NODAL: variants seen among roughly 807,000 people sequenced by gnomAD.
NODAL encodes nodal homolog.
NODAL carries 12 observed loss-of-function variants against 34.0 expected under a neutral mutation model. That is an observed-to-expected ratio of 0.35 (90% CI 0.23 to 0.57). The LOEUF is 0.57. Among genes scored for constraint, NODAL ranks in the 20% least tolerant of loss-of-function variants. The pLI, the probability that NODAL is intolerant of heterozygous loss-of-function variation, is 0.83. For missense variants in NODAL, 390 were observed against 444.2 expected (o/e 0.88, Z 1.10); for synonymous variants, 162 against 186.4 (o/e 0.87, Z 1.07).
chr10:70,433,079 T>C lies in NODAL; in HGVS notation c.901A>G (p.Lys301Glu), dbSNP rs756658835. The change falls in exon 3 of 3, where the codon AAA becomes GAA. Residue 301 changes from lysine (K) to glutamate (E), a missense_variant. By Grantham distance (56) the Lys-to-Glu change is moderately conservative. Coordinates refer to ENST00000287139, the MANE Select transcript of NODAL (RefSeq NM_018055.5). ...TNHAYIQSLLKRYQPHRVPST... is the reference protein window; with the variant it reads ...TNHAYIQSLLERYQPHRVPST... Reference sequence around the variant, plus strand: ...GGGACTCGGTGGGGCTGGTAACGTTTCAGCAGACTCTGTAAAGGAAAGGAA... The same window carrying C: ...GGGACTCGGTGGGGCTGGTAACGTTCCAGCAGACTCTGTAAAGGAAAGGAA... The C allele has an allele frequency of 1.2e-6, 2 of 1,613,990 alleles. No individual in the cohort carries two copies. Among genetic ancestry groups the C allele is most frequent in the South Asian group, 2.2e-5 (2 of 91,066 alleles).
intron 1 of NODAL, among the ~76,000 whole-genome samples, chr10:70,447,392 G>A (rs1320277930): frequency 6.6e-6 from 1 of 152,038 alleles, no homozygotes; most frequent in Non-Finnish European, 1.5e-5. Context: ...CCTCTTCTAA[G>A]TAAAGCATCA....
intron 1 of NODAL, among the ~76,000 whole-genome samples, chr10:70,440,766 C>G (rs1010545783): frequency 7.9e-5 from 12 of 152,322 alleles, no homozygotes; most frequent in Admixed American, 2.6e-4. Flanking sequence ...CGGGGTTAAG[C>G]GAGACACTTG....
chr10:70,442,080 G>T (rs980546205), upstream of NODAL, among the ~76,000 whole-genome samples: 1 of 152,222 alleles, frequency 6.6e-6, no homozygotes, highest in Admixed American at 6.5e-5. Flanking sequence ...TGGACCGCAG[G>T]CTCCTCAAGA....
intron 1 of NODAL, among the ~76,000 whole-genome samples, chr10:70,447,390 A>G (rs1845499827): frequency 6.6e-6 from 1 of 152,048 alleles, no homozygotes; most frequent in African/African-American, 2.4e-5. Context: ...GCCCTCTTCT[A>G]AGTAAAGCAT....
chr10:70,433,443 C>T (rs919723097), intron 2 of NODAL, among the ~76,000 whole-genome samples: 3 of 150,292 alleles, frequency 2.0e-5, no homozygotes, highest in Non-Finnish European at 4.4e-5. Flanking sequence ...TTGAGATGGT[C>T]TTGCTCTGTT....
chr10:70,435,137 A>G, intron 2 of NODAL, 149 bp downstream of exon 2: 2 of 712,238 alleles, frequency 2.8e-6, no homozygotes, highest in East Asian at 2.7e-5. Context: ...TCATCTCTAC[A>G]TGCCTGGTAC....
chr10:70,447,491 G>T (rs1315573457), intron 1 of NODAL, among the ~76,000 whole-genome samples: 2 of 152,036 alleles, frequency 1.3e-5, no homozygotes, highest in African/African-American at 4.8e-5. Flanking sequence ...TTTGAGACCA[G>T]CCTAGGCAAC....
At position 70,435,451 on chromosome 10, in the gene NODAL, G is replaced by A. The variant is rs1845333111; in HGVS notation, c.726C>T (p.Asp242=). The A allele has an allele frequency of 6.2e-7, 1 of 1,614,210 alleles. No individual in the cohort carries two copies. The highest frequency in any genetic ancestry group is 1.7e-5 in the Admixed American group (1 of 60,020). ...GKRHRRHHLP[D]RSQLCRKVKF... is the part of the protein sequence containing the mutation. The stretch of plus-strand genomic sequence containing the variant: ...TGACCTTCCGACACAGTTGACTTCT[G>A]TCTGGCAAGTGATGTCGACGGTGCC... Residue 242 remains aspartate (D), a synonymous_variant, in exon 2 of 3, where the codon GAC becomes GAT. Coordinates refer to ENST00000287139, the MANE Select transcript of NODAL (RefSeq NM_018055.5).
intron 2 of NODAL, among the ~76,000 whole-genome samples, chr10:70,434,646 T>C (rs994845909): frequency 6.6e-6 from 1 of 152,216 alleles, no homozygotes; most frequent in South Asian, 2.1e-4. Context: ...TTCAGGCATG[T>C]GCCACCGCAC....
chr10:70,441,744 T>G, upstream of NODAL: 1 of 1,441,450 alleles, frequency 6.9e-7, no homozygotes, highest in Non-Finnish European at 9.5e-7. Flanking sequence ...GCCCCCACCT[T>G]TCCTCCCTCT....
Position 70,436,196 on chromosome 10 carries a change from AG to A in NODAL, c.194-214del, listed in dbSNP as rs568254467. On this transcript the variant is annotated intron_variant, in intron 1 of 2. Transcript: ENST00000287139. ...TCAGTGTGGTTAAAAGATCTGACCAAGGTGTCATTCTTGGAAGGTGGCAGAG... is the reference window on the plus strand; with the variant it reads ...TCAGTGTGGTTAAAAGATCTGACCAAGTGTCATTCTTGGAAGGTGGCAGAG... 269 of 597,408 alleles carry A rather than the reference AG, an allele frequency of 4.5e-4. No homozygotes were observed. The African/African-American group carries it at 4.6e-3, about 10-fold the overall frequency. The allele number at this position is 597,408 out of a possible 1,614,324, so 37.0% of individuals were successfully genotyped here. A position where few individuals can be genotyped will look rare whatever the true frequency, so the allele number is the denominator to read the frequency against.
At chr10:70,442,452 TG>T (rs1236450468), upstream of NODAL, among the ~76,000 whole-genome samples, 1 of 152,214 alleles carries the variant, frequency 6.6e-6, no homozygotes, top group Admixed American at 6.5e-5. Context: ...ACAGAAGACC[TG>T]GGTGTCGGCT....
At chr10:70,445,516 C>T (rs1299067138), upstream of NODAL, among the ~76,000 whole-genome samples, 1 of 152,192 alleles carries the variant, frequency 6.6e-6, no homozygotes, top group East Asian at 1.9e-4. Flanking sequence ...CCTTGGCCTC[C>T]CAAAGTGCTG....
At chr10:70,447,380 GC>G (rs1845499651) in intron 1 of NODAL, among the ~76,000 whole-genome samples, 1 of 152,074 alleles carries the variant, frequency 6.6e-6, no homozygotes, top group Non-Finnish European at 1.5e-5. Flanking sequence ...GGCCAGCAGA[GC>G]CCTCTTCTAA....
chr10:70,436,297 G>A (rs111867164), intron 1 of NODAL: 100 of 421,264 alleles, frequency 2.4e-4, no homozygotes, highest in African/African-American at 1.8e-3. Context: ...CCCCTTCCAA[G>A]ATAACTTGCA....
At position 70,439,298 on chromosome 10, in the gene NODAL, G is replaced by A. The variant is rs191885732; in HGVS notation, c.193+2177C>T. On this transcript the variant is annotated intron_variant, in intron 1 of 2. Coordinates refer to ENST00000287139, the MANE Select transcript of NODAL (RefSeq NM_018055.5). The stretch of plus-strand genomic sequence containing the variant: ...GTTACAGGCGTAAGCCACTGTGCCC[G>A]GCCCCACCTCCAGTTCTGAAGAAGA... Among the ~76,000 whole-genome samples the A allele has an allele frequency of 2.9e-3, 440 of 151,798 alleles. 3 individuals carry two copies. The highest frequency in any genetic ancestry group is 0.01 in the African/African-American group (421 of 41,382).
chr10:70,445,681 G>A (rs1437714437), upstream of NODAL, among the ~76,000 whole-genome samples: 2 of 152,188 alleles, frequency 1.3e-5, no homozygotes, highest in African/African-American at 2.4e-5. Flanking sequence ...CTTCAGAGAC[G>A]ATGAGAAAAC....
intron 1 of NODAL, among the ~76,000 whole-genome samples, chr10:70,446,885 C>A (rs978790331): frequency 6.6e-6 from 1 of 152,014 alleles, no homozygotes; most frequent in Admixed American, 6.6e-5. Context: ...GTGATTGAAC[C>A]CCATATTCCC....
intron 1 of NODAL, among the ~76,000 whole-genome samples, chr10:70,441,187 C>T (rs1259469628): frequency 2.0e-5 from 3 of 152,268 alleles, no homozygotes. Context: ...CCGCGCAATC[C>T]CAAACCAAAA....
Sources: gnomAD v4.1 joint callset for allele counts (sites outside exome capture counted in the v4.1 genomes callset) on GRCh38, gnomAD v4.1.1 for gene constraint, MANE v1.5 for transcripts, NCBI Gene and HGNC (gene_info 2026-07-23, HGNC 2026-07-21) for gene names.